The following CHRM3 variants were observed in gnomAD, a reference collection of about 807,000 sequenced individuals.
The protein encoded by CHRM3 is muscarinic acetylcholine receptor M3.
In CHRM3, 11 loss-of-function variants were observed where a neutral mutation model predicts 41.8. That is an observed-to-expected ratio of 0.26 (90% CI 0.17 to 0.44). The LOEUF (loss-of-function observed/expected upper bound fraction) is 0.44. CHRM3 is among the 20% of genes least tolerant of loss of function. The pLI is 1.00. For synonymous variants in CHRM3, 297 were observed against 301.4 expected, an observed-to-expected ratio of 0.99 and a Z score of 0.15; for missense variants, 571 against 745.4, an observed-to-expected ratio of 0.77 and a Z score of 2.72.
At position 239,742,774 on chromosome 1, in the gene CHRM3, C is replaced by T. The variant is rs16838865; in HGVS notation, c.-147+64486C>T. On this transcript the variant is annotated intron_variant, in intron 5 of 6. Coordinates refer to ENST00000676153, the MANE Select transcript of CHRM3 (RefSeq NM_001375978.1). ...GAAATAACAATTGCATGTTGCAAGT[C>T]TGAAAACTGGGAAAACAAGAGCCTG... is the stretch of plus-strand genomic sequence containing the variant. Among the ~76,000 whole-genome samples the T allele has an allele frequency of 5.1e-3, 781 of 152,296 alleles. 4 individuals carry two copies. The highest frequency in any genetic ancestry group is 0.018 in the African/African-American group (738 of 41,564).
In CHRM3 at chr1:239,464,989, C is replaced by A. The variant is rs187476654; in HGVS notation, c.-520-27720C>A. ...AAATAAAAGAGAGATGAGCCAAAGT[C>A]TCTCCATGGAGAATTCAAAATCTGT... On this transcript the variant is annotated intron_variant, in intron 1 of 6. Transcript: ENST00000676153. Among the ~76,000 whole-genome samples, 140 of 152,218 alleles carry A rather than the reference C, an allele frequency of 9.2e-4. 1 individual carries two copies. The South Asian group carries it at 0.014, about 16-fold the overall frequency.
intron 4 of CHRM3, among the ~76,000 whole-genome samples, chr1:239,640,236 A>C (rs546788656): frequency 6.6e-6 from 1 of 151,912 alleles, no homozygotes; most frequent in Non-Finnish European, 1.5e-5. Flanking sequence ...CTTTTTTGGT[A>C]GTGTCTCTGC....
At chr1:239,481,240 A>T (rs1007520441) in intron 1 of CHRM3, among the ~76,000 whole-genome samples, 1 of 151,968 alleles carries the variant, frequency 6.6e-6, no homozygotes, top group Non-Finnish European at 1.5e-5. Flanking sequence ...ATGCACAGAC[A>T]TAAACAGATA....
intron 2 of CHRM3, among the ~76,000 whole-genome samples, chr1:239,509,085 A>G (rs1302924537): frequency 6.6e-6 from 1 of 152,222 alleles, no homozygotes; most frequent in Non-Finnish European, 1.5e-5. Flanking sequence ...CAGGTATTAC[A>G]GTGATAAGGA....
Position 239,909,232 on chromosome 1 carries a change from T to C in CHRM3, c.*8T>C, listed in dbSNP as rs569149567. 6.3e-7 allele frequency: 1 copy of C among 1,592,128 alleles called. No individual in the cohort carries two copies. Among genetic ancestry groups the C allele is most frequent in the Admixed American group, 1.7e-5 (1 of 58,112 alleles). On this transcript the variant is annotated 3_prime_UTR_variant, in exon 7 of 7. Coordinates refer to ENST00000676153, the MANE Select transcript of CHRM3 (RefSeq NM_001375978.1). ...CCCGAGCAGGCCTTGTAGAATGAGG[T>C]TGTATCAATAGCAGTGACAAAACGC...
At chr1:239,783,268 T>C (rs901766194) in intron 5 of CHRM3, among the ~76,000 whole-genome samples, 3 of 151,832 alleles carry the variant, frequency 2.0e-5, no homozygotes, top group African/African-American at 7.2e-5. Context: ...AATATAATAA[T>C]TATAGTTATG....
intron 5 of CHRM3, among the ~76,000 whole-genome samples, chr1:239,813,655 C>T (rs1387614078): frequency 3.3e-5 from 5 of 151,202 alleles, no homozygotes; most frequent in African/African-American, 4.9e-5. Context: ...CGGTGGCTCA[C>T]GCCTGTAATC....
chr1:239,909,413 AG>A lies in CHRM3; in HGVS notation c.*190del. The A allele has an allele frequency of 2.2e-6, 1 of 453,468 alleles. No individual in the cohort carries two copies. Among genetic ancestry groups the A allele is most frequent in the Non-Finnish European group, 3.9e-6 (1 of 258,512 alleles). 28.1% of individuals were successfully genotyped at this position (453,468 alleles called of 1,614,324 possible). Reference sequence around the variant, plus strand: ...TAATAGAAAAAGTCAATACCAATTCAGCAAAAAGAAAAAAAAAACATACTAC... The same window carrying A: ...TAATAGAAAAAGTCAATACCAATTCACAAAAAGAAAAAAAAAACATACTAC... On this transcript the variant is annotated 3_prime_UTR_variant, in exon 7 of 7. Coordinates refer to ENST00000676153, the MANE Select transcript of CHRM3 (RefSeq NM_001375978.1).
rs548859222 is a variant in CHRM3 at position 239,449,052 on chromosome 1, C to T, written c.-520-43657C>T. ...ACACAACGTCTCTGTTTATTGTAAC[C>T]GTTTGTTACCATAAAAGTATAAACT... On this transcript the variant is annotated intron_variant, in intron 1 of 6. Transcript: ENST00000676153. Among the ~76,000 whole-genome samples, 3 of 152,096 alleles carry T rather than the reference C, an allele frequency of 2.0e-5. No homozygotes were observed. The South Asian group carries it at 6.2e-4, about 32-fold the overall frequency.
At chr1:239,622,006 C>A (rs1668422413) in intron 3 of CHRM3, among the ~76,000 whole-genome samples, 1 of 152,044 alleles carries the variant, frequency 6.6e-6, no homozygotes, top group Non-Finnish European at 1.5e-5. Flanking sequence ...AGGTAACATT[C>A]ATTTATTATT....
At chr1:239,806,281 C>A (rs1185068109) in intron 5 of CHRM3, among the ~76,000 whole-genome samples, 1 of 152,166 alleles carries the variant, frequency 6.6e-6, no homozygotes, top group African/African-American at 2.4e-5. Context: ...TGTGAAGCCA[C>A]TTGCACTTCC....
intron 5 of CHRM3, among the ~76,000 whole-genome samples, chr1:239,802,685 C>A (rs1448844149): frequency 6.6e-6 from 1 of 152,168 alleles, no homozygotes; most frequent in Non-Finnish European, 1.5e-5. Context: ...CAGCCTCAAC[C>A]TCCCTGGGCT....
intron 3 of CHRM3, among the ~76,000 whole-genome samples, chr1:239,570,227 T>A (rs1205144763): frequency 6.6e-6 from 1 of 152,116 alleles, no homozygotes. Context: ...TAAATGGCAG[T>A]TTCCCCTGGG....
At chr1:239,837,139 C>T (rs542821170) in intron 6 of CHRM3, among the ~76,000 whole-genome samples, 14 of 152,244 alleles carry the variant, frequency 9.2e-5, no homozygotes, top group African/African-American at 3.4e-4. Flanking sequence ...CAGTCACAGG[C>T]TAGCTAAACC....
rs922803483 is a variant in CHRM3 at position 239,911,407 on chromosome 1, G to T, written c.*2183G>T. 4 of 166,856 alleles carry T rather than the reference G, an allele frequency of 2.4e-5. No homozygotes were observed. Among genetic ancestry groups the T allele is most frequent in the Non-Finnish European group, 4.4e-5 (3 of 68,094 alleles). 10.3% of individuals were successfully genotyped at this position (166,856 alleles called of 1,614,324 possible). A position where few individuals can be genotyped will look rare whatever the true frequency, so the allele number is the denominator to read the frequency against. ...CCTGTGAAACATCTAGTAAGCAATT[G>T]CATCTATATTTTATTTCTCAAGTTG... On this transcript the variant is annotated 3_prime_UTR_variant, in exon 7 of 7. Coordinates refer to ENST00000676153, the MANE Select transcript of CHRM3 (RefSeq NM_001375978.1).
At chr1:239,887,138 T>C (rs1236236845) in intron 6 of CHRM3, among the ~76,000 whole-genome samples, 4 of 152,254 alleles carry the variant, frequency 2.6e-5, no homozygotes, top group African/African-American at 9.6e-5. Flanking sequence ...TCTTCTTCTT[T>C]TCTCCTTTTT....
chr1:239,656,500 G>A (rs932049952), intron 4 of CHRM3, among the ~76,000 whole-genome samples: 2 of 151,802 alleles, frequency 1.3e-5, no homozygotes, highest in Admixed American at 6.6e-5. Flanking sequence ...AAAGTAGCTG[G>A]TGTGGTGATA....
chr1:239,606,991 C>G (rs189265079), intron 3 of CHRM3, among the ~76,000 whole-genome samples: 84 of 152,252 alleles, frequency 5.5e-4, no homozygotes, highest in Non-Finnish European at 8.7e-4. Flanking sequence ...ACCCCTGTGG[C>G]CTTCAATGCC....
chr1:239,708,985 G>A (rs931492198), intron 5 of CHRM3, among the ~76,000 whole-genome samples: 5 of 151,230 alleles, frequency 3.3e-5, no homozygotes, highest in African/African-American at 1.2e-4. Flanking sequence ...CATTTTGTTG[G>A]CAATATAGTC....
Sources: gnomAD v4.1 joint callset for allele counts (sites outside exome capture counted in the v4.1 genomes callset) on GRCh38, gnomAD v4.1.1 for gene constraint, MANE v1.5 for transcripts, NCBI Gene and HGNC (gene_info 2026-07-23, HGNC 2026-07-21) for gene names.